The following ATP6V1B1 variants were observed in gnomAD, a reference collection of about 807,000 sequenced individuals.
ATP6V1B1 encodes ATPase H+ transporting V1 subunit B1, also known as V-type proton ATPase subunit B, kidney isoform.
A neutral mutation model predicts 62.1 loss-of-function variants in ATP6V1B1; 41 were observed. The ratio of observed to expected loss-of-function variants is 0.66; its 90% CI spans 0.51 to 0.86. ATP6V1B1 has a LOEUF of 0.86. ATP6V1B1 is among the 40% of genes least tolerant of loss of function. The pLI is 0.00. For missense variants in ATP6V1B1, 651 were observed against 697.5 expected (o/e 0.93, Z 0.75); for synonymous variants, 253 against 273.4 (o/e 0.93, Z 0.74).
rs182828164 is a variant in ATP6V1B1 at position 70,950,265 on chromosome 2, A to G, written c.174+6552A>G. On this transcript the variant is annotated intron_variant, in intron 2 of 13. Transcript: ENST00000234396. The stretch of plus-strand genomic sequence containing the variant: ...ACAAGTTTTAATATCTGAAAAGGCA[A>G]GTCCTCTATCTCTGATCTTTTTCAT... Among the ~76,000 whole-genome samples, 247 of 152,310 alleles carry G rather than the reference A, an allele frequency of 1.6e-3. 1 individual carries two copies. The highest frequency in any genetic ancestry group is 6.5e-4 in the Admixed American group (10 of 15,302).
At chr2:70,952,018 T>C (rs1680333592) in intron 2 of ATP6V1B1, among the ~76,000 whole-genome samples, 1 of 152,262 alleles carries the variant, frequency 6.6e-6, no homozygotes, top group Non-Finnish European at 1.5e-5. Context: ...GTAACAATTA[T>C]AATATAGGCA....
chr2:70,961,734 G>C, intron 8 of ATP6V1B1, 41 bp downstream of exon 8: 1 of 1,586,904 alleles, frequency 6.3e-7, no homozygotes, highest in Non-Finnish European at 8.7e-7. Context: ...CAGGTGGGCA[G>C]ACCCCGTCCC....
intron 12 of ATP6V1B1, 84 bp from the exon 13 acceptor site, chr2:70,964,652 G>A (rs939107582): frequency 6.2e-7 from 1 of 1,612,306 alleles, no homozygotes; most frequent in Admixed American, 1.7e-5. Flanking sequence ...CTTTCCGAAC[G>A]GGGTCCCAGT....
chr2:70,940,213 CAG>C (rs1185585599), intron 1 of ATP6V1B1: 2 of 265,900 alleles, frequency 7.5e-6, no homozygotes, highest in African/African-American at 4.6e-5. Context: ...TTCTACATGA[CAG>C]GGGCTGTGAA....
chr2:70,936,014 T>G lies in ATP6V1B1; in HGVS notation c.60T>G (p.Gly20=), dbSNP rs1679841739. 1.2e-6 allele frequency: 2 copies of G among 1,613,776 alleles called. No homozygotes were observed. Among genetic ancestry groups the G allele is most frequent in the Non-Finnish European group, 1.7e-6 (2 of 1,179,908 alleles). The change falls in exon 1 of 14, where the codon GGT becomes GGG. Residue 20 remains glycine, a synonymous_variant. Transcript: ENST00000234396. ...GGLPGSSCNL[G]AAREHMQAVT... ...TCCCCGGCAGTAGCTGCAACCTAGG[T>G]GCAGCCCGAGAACACATGCAGGCGG...
In ATP6V1B1 at chr2:70,963,536, C is replaced by T. The variant is rs1395179307; in HGVS notation, c.1061-36C>T. ...GCCCTGAGTGGTTGGAGACCTGGGC[C>T]CCCACCCACACTGAGGCCAGTGAGT... On this transcript the variant is annotated intron_variant, in intron 10 of 13. Transcript: ENST00000234396. This position sits in a 1 kb window ranked among gnomAD's most constrained non-coding sequence, Gnocchi z 4.3. 2.5e-6 allele frequency: 4 copies of T among 1,603,368 alleles called. No homozygotes were observed. In the African/African-American group the frequency reaches 5.4e-5, roughly 21 times the overall value.
rs1553420873 is a variant in ATP6V1B1, at chr2:70,965,169, C to A, written c.*48C>A. ...ACACCGGCAGGGAACCTACCCTCGG[C>A]TCCCGGGTCTCCCCTCCCTCGCCAC... On this transcript the variant is annotated 3_prime_UTR_variant, in exon 14 of 14. Coordinates refer to ENST00000234396, the MANE Select transcript of ATP6V1B1 (RefSeq NM_001692.4). The A allele has an allele frequency of 3.1e-6, 5 of 1,594,372 alleles. No individual in the cohort carries two copies. Among genetic ancestry groups the A allele is most frequent in the Admixed American group, 3.3e-5 (2 of 59,872 alleles).
At chr2:70,955,501 C>G (rs1186290104) in intron 2 of ATP6V1B1, among the ~76,000 whole-genome samples, 1 of 152,154 alleles carries the variant, frequency 6.6e-6, no homozygotes, top group Non-Finnish European at 1.5e-5. Context: ...TCTCCCAGCC[C>G]CTGAGCACCA....
Position 70,965,174 on chromosome 2 carries a change from G to T in ATP6V1B1, c.*53G>T. On this transcript the variant is annotated 3_prime_UTR_variant, in exon 14 of 14. Transcript: ENST00000234396. ...GGCAGGGAACCTACCCTCGGCTCCC[G>T]GGTCTCCCCTCCCTCGCCACCCCAA... 1 of 1,593,938 alleles carries T rather than the reference G, an allele frequency of 6.3e-7. No homozygotes were observed.
intron 1 of ATP6V1B1, chr2:70,940,524 A>G: frequency 1.0e-6 from 1 of 985,158 alleles, no homozygotes; most frequent in Non-Finnish European, 1.2e-6. Flanking sequence ...AATCCAGACA[A>G]TCTGATCCAA....
rs142779030 is a variant in ATP6V1B1, at chr2:70,964,753, C to A, written c.1266C>A (p.Ile422=). 6.2e-7 allele frequency: 1 copy of A among 1,613,948 alleles called. No individual in the cohort carries two copies. Among genetic ancestry groups the A allele is most frequent in the African/African-American group, 1.3e-5 (1 of 75,038 alleles). ...VSNQLYACYA[I]GKDVQAMKAV... ...TCCCCCAGTACGCCTGCTATGCCAT[C>A]GGGAAGGACGTGCAGGCCATGAAGG... The change falls in exon 13 of 14, where the codon ATC becomes ATA. Residue 422 remains isoleucine, a synonymous_variant. Transcript: ENST00000234396.
rs147576439 is a variant in ATP6V1B1, at chr2:70,958,135, G to A, written c.264G>A (p.Ala88=). ...TGCTTGAGGTGGCTGGCACCAAGGC[G>A]ATTGTTCAGGTGAGTGGGGTCAATG... ...GQVLEVAGTK[A]IVQVFEGTSG... Residue 88 remains alanine (A), a synonymous_variant, in exon 3 of 14, where the codon GCG becomes GCA. Coordinates refer to ENST00000234396, the MANE Select transcript of ATP6V1B1 (RefSeq NM_001692.4). 1.3e-3 allele frequency: 2,084 copies of A among 1,614,018 alleles called. 1 individual carries two copies. Among genetic ancestry groups the A allele is most frequent in the Non-Finnish European group, 1.6e-3 (1,882 of 1,179,994 alleles).
chr2:70,942,632 T>C (rs1213774837), intron 1 of ATP6V1B1, among the ~76,000 whole-genome samples: 2 of 152,208 alleles, frequency 1.3e-5, no homozygotes, highest in Non-Finnish European at 2.9e-5. Context: ...CCAGCTCTGC[T>C]ACAGATGTGC....
At chr2:70,944,273 A>G (rs1486602263) in intron 2 of ATP6V1B1, 2 of 1,255,216 alleles carry the variant, frequency 1.6e-6, no homozygotes, top group Admixed American at 2.5e-5. Context: ...GCTGTGGGCT[A>G]TTTTGTAGCC....
Position 70,964,491 on chromosome 2 carries a change from CA to C in ATP6V1B1, c.1198del (p.Ile400LeufsTer5). The part of the protein sequence containing the change: ...PSLSRLMKSA[I>X]GEGMTRKDHG... The stretch of plus-strand genomic sequence containing the variant: ...CCCTGTCGCGGCTGATGAAGTCAGC[CA>C]TTGGGGAAGGCATGACAAGAAAGGA... On this transcript the variant is annotated frameshift_variant, in exon 12 of 14. Transcript: ENST00000234396. LOFTEE classifies it high-confidence loss of function. 6.2e-7 allele frequency: 1 copy of C among 1,614,124 alleles called. No homozygotes were observed. The highest frequency in any genetic ancestry group is 8.5e-7 in the Non-Finnish European group (1 of 1,180,038).
At chr2:70,949,148 T>C (rs1680262190) in intron 2 of ATP6V1B1, among the ~76,000 whole-genome samples, 1 of 152,204 alleles carries the variant, frequency 6.6e-6, no homozygotes, top group African/African-American at 2.4e-5. Flanking sequence ...CGAAAGACCC[T>C]GCTGAATACG....
At chr2:70,938,884 C>T (rs1443175856) in intron 1 of ATP6V1B1, 84 of 816,828 alleles carry the variant, frequency 1.0e-4, no homozygotes, top group Non-Finnish European at 1.2e-4. Flanking sequence ...CCTGAAGATC[C>T]CCCAGGAGCT....
intron 1 of ATP6V1B1, chr2:70,941,057 C>T (rs549931040): frequency 8.3e-6 from 4 of 479,174 alleles, no homozygotes; most frequent in African/African-American, 2.1e-5. Context: ...GCTGGGACCA[C>T]AGGCACGTTC....
At chr2:70,951,666 A>T (rs1213932921) in intron 2 of ATP6V1B1, among the ~76,000 whole-genome samples, 1 of 151,938 alleles carries the variant, frequency 6.6e-6, no homozygotes, top group African/African-American at 2.4e-5. Context: ...CCAGCACTTC[A>T]GGACGCCGAG....
Sources: allele counts gnomAD v4.1 joint callset (sites outside exome capture counted in the v4.1 genomes callset), GRCh38; gene constraint gnomAD v4.1.1; non-coding constraint Gnocchi (gnomAD v3.1); transcripts MANE v1.5; gene names NCBI Gene and HGNC (gene_info 2026-07-23, HGNC 2026-07-21).